The following COL6A6 variants were observed in gnomAD, a reference collection of about 807,000 sequenced individuals.
COL6A6 encodes collagen alpha-6(VI) chain.
In COL6A6, 183 loss-of-function variants were observed where a neutral mutation model predicts 208.6. The observed-to-expected ratio is 0.88, with a 90% CI of 0.78 to 0.99. The LOEUF is 0.99. Among genes scored for constraint, COL6A6 ranks in the 50% least tolerant of loss-of-function variants. COL6A6 has a pLI of 0.00. For missense variants in COL6A6, 2,816 were observed against 2,815.2 expected, an observed-to-expected ratio of 1.00 and a Z score of -0.01; for synonymous variants, 973 against 1,011.8, an observed-to-expected ratio of 0.96 and a Z score of 0.73.
intron 24 of COL6A6, among the ~76,000 whole-genome samples, chr3:130,623,279 G>A (rs558915496): frequency 6.6e-6 from 1 of 152,246 alleles, no homozygotes; most frequent in Middle Eastern, 3.4e-3. Flanking sequence ...CCAACATGGT[G>A]AAACCCTGTC....
intron 25 of COL6A6, 123 bp from the exon 26 acceptor site, chr3:130,627,196 G>A: frequency 1.2e-6 from 1 of 813,004 alleles, no homozygotes; most frequent in East Asian, 2.5e-5. Context: ...TGCCCTAGAA[G>A]GAGGATCCTG....
intron 10 of COL6A6, among the ~76,000 whole-genome samples, chr3:130,585,659 C>G (rs927233964): frequency 6.6e-5 from 10 of 152,166 alleles, no homozygotes; most frequent in African/African-American, 1.9e-4. Context: ...CCAAAGCCTC[C>G]GAGCCACAGC....
At chr3:130,556,881 A>C (rs1042800053) in intron 1 of COL6A6, among the ~76,000 whole-genome samples, 1 of 152,146 alleles carries the variant, frequency 6.6e-6, no homozygotes, top group Non-Finnish European at 1.5e-5. Flanking sequence ...GGCCTGCCAT[A>C]GGTGGTCATC....
Position 130,581,622 on chromosome 3 carries a change from G to C in COL6A6, c.3609G>C (p.Leu1203Phe), listed in dbSNP as rs765376649. The C allele has an allele frequency of 6.8e-6, 11 of 1,613,774 alleles. 1 individual carries two copies. The highest frequency in any genetic ancestry group is 9.3e-6 in the Non-Finnish European group (11 of 1,179,826). ...CAACTCAGGAGAAAGGGCAGACTTT[G>C]CTTGAAGGTCAGCCTTGGATGGAAA... The part of the protein sequence containing the change: ...DVSTQEKGQT[L>F]LEGQPWMETY... Residue 1203 changes from leucine to phenylalanine, a missense_variant, in exon 9 of 37, where the codon TTG (leucine) becomes TTC (phenylalanine). By Grantham distance (22) the Leu-to-Phe change is conservative (BLOSUM62 0). Transcript: ENST00000358511.
chr3:130,584,039 T>C (rs988368522), intron 10 of COL6A6, among the ~76,000 whole-genome samples: 2 of 152,176 alleles, frequency 1.3e-5, no homozygotes, highest in African/African-American at 4.8e-5. Context: ...TTAAATTAAT[T>C]AATTTTTTAG....
intron 1 of COL6A6, among the ~76,000 whole-genome samples, chr3:130,521,881 C>T (rs1406788273): frequency 2.0e-5 from 3 of 152,152 alleles, no homozygotes; most frequent in East Asian, 1.9e-4. Flanking sequence ...CCAATGGAAC[C>T]GAGCTCCAGC....
intron 31 of COL6A6, among the ~76,000 whole-genome samples, chr3:130,644,604 C>T (rs6774469): frequency 0.41 from 62,037 of 151,884 alleles, 13,905 homozygotes; most frequent in African/African-American, 0.56. Flanking sequence ...TATGTGTGTA[C>T]ATATATATAA....
intron 1 of COL6A6, among the ~76,000 whole-genome samples, chr3:130,545,384 G>A (rs574684079): frequency 3.3e-5 from 5 of 151,644 alleles, no homozygotes; most frequent in African/African-American, 1.2e-4. Flanking sequence ...GATTTCTGAG[G>A]AGAAGTTGAA....
chr3:130,598,129 T>C (rs2063901263), intron 18 of COL6A6, among the ~76,000 whole-genome samples: 1 of 152,180 alleles, frequency 6.6e-6, no homozygotes. Flanking sequence ...GTGCCTTCTA[T>C]GGAGAGCTCT....
At chr3:130,565,955 T>C (rs1169185951) in intron 4 of COL6A6, among the ~76,000 whole-genome samples, 1 of 152,198 alleles carries the variant, frequency 6.6e-6, no homozygotes, top group Non-Finnish European at 1.5e-5. Context: ...CTTCCCTTTA[T>C]TTCTTTATTC....
At chr3:130,601,013 T>C in intron 20 of COL6A6, among the ~76,000 whole-genome samples, 1 of 152,206 alleles carries the variant, frequency 6.6e-6, no homozygotes, top group East Asian at 1.9e-4. Context: ...TGTTATTTTT[T>C]CATTAAGTAC....
rs527716314 is a variant in COL6A6, at chr3:130,657,232, G to A, written c.5734-1444G>A. Among the ~76,000 whole-genome samples the A allele has an allele frequency of 3.2e-4, 48 of 152,338 alleles. No individual in the cohort carries two copies. In the South Asian group the frequency reaches 6.6e-3, roughly 21 times the overall value. ...AGGGTTCCATGGAGTGTGCAGCCCC[G>A]ACTGTACTCAGGTAGCATGAACCAA... On this transcript the variant is annotated intron_variant, in intron 33 of 36. Coordinates refer to ENST00000358511, the MANE Select transcript of COL6A6 (RefSeq NM_001102608.3).
At chr3:130,606,884 A>C in intron 20 of COL6A6, 47 bp from the exon 21 acceptor site, 1 of 1,511,462 alleles carries the variant, frequency 6.6e-7, no homozygotes, top group Middle Eastern at 1.7e-4. Flanking sequence ...CATATATAAA[A>C]AGCATTTTTT....
At chr3:130,585,585 A>G (rs983847186) in intron 10 of COL6A6, among the ~76,000 whole-genome samples, 4 of 152,214 alleles carry the variant, frequency 2.6e-5, no homozygotes, top group Non-Finnish European at 5.9e-5. Flanking sequence ...AAAATAAGTC[A>G]TTGGCAACCC....
chr3:130,606,793 G>C (rs895808918), intron 20 of COL6A6, 138 bp from the exon 21 acceptor site: 1 of 575,266 alleles, frequency 1.7e-6, no homozygotes, highest in Non-Finnish European at 3.0e-6. Context: ...TCATGGTACA[G>C]TGGAAAATTG....
At chr3:130,635,084 A>G (rs2065070953) in intron 27 of COL6A6, among the ~76,000 whole-genome samples, 1 of 151,890 alleles carries the variant, frequency 6.6e-6, no homozygotes, top group Non-Finnish European at 1.5e-5. Flanking sequence ...AAAATACAAA[A>G]ATTAGCTAGG....
At chr3:130,584,684 G>A (rs1023910720) in intron 10 of COL6A6, among the ~76,000 whole-genome samples, 9 of 151,416 alleles carry the variant, frequency 5.9e-5, no homozygotes, top group Non-Finnish European at 1.2e-4. Flanking sequence ...GTGCCATCTC[G>A]GCTCACTGCA....
At chr3:130,578,164 G>A (rs1326394883) in intron 8 of COL6A6, among the ~76,000 whole-genome samples, 1 of 152,070 alleles carries the variant, frequency 6.6e-6, no homozygotes, top group South Asian at 2.1e-4. Context: ...AGAATCAGGA[G>A]CATCTCTCAT....
intron 33 of COL6A6, among the ~76,000 whole-genome samples, chr3:130,656,393 C>T (rs1262498021): frequency 6.6e-6 from 1 of 150,442 alleles, no homozygotes; most frequent in Non-Finnish European, 1.5e-5. Context: ...ACAGGGTCTC[C>T]TGATGAGTGT....
Sources: allele counts gnomAD v4.1 joint callset (sites outside exome capture counted in the v4.1 genomes callset), GRCh38; gene constraint gnomAD v4.1.1; transcripts MANE v1.5; gene names NCBI Gene and HGNC (gene_info 2026-07-23, HGNC 2026-07-21).